USP24: variants seen among roughly 807,000 people sequenced by gnomAD.
USP24 encodes ubiquitin carboxyl-terminal hydrolase 24.
A neutral mutation model predicts 361.6 loss-of-function variants in USP24; 97 were observed. That is an observed-to-expected ratio of 0.27 (90% CI 0.23 to 0.32). The LOEUF (loss-of-function observed/expected upper bound fraction) is 0.32, where lower values mean the gene tolerates loss of function less well. Ranked by LOEUF, USP24 falls within the 10% of genes least tolerant of loss-of-function variation. USP24 has a pLI of 1.00. For synonymous variants in USP24, 1,098 were observed against 1,124.6 expected (o/e 0.98, Z 0.47); for missense variants, 2,353 against 3,165.6 (o/e 0.74, Z 6.16).
intron 55 of USP24, among the ~76,000 whole-genome samples, chr1:55,088,556 A>G (rs1015837140): frequency 3.9e-5 from 6 of 152,200 alleles, no homozygotes; most frequent in Admixed American, 3.9e-4. Flanking sequence ...GGCAAGCTGG[A>G]ACAGACTCTG....
chr1:55,124,351 T>C, intron 35 of USP24, 118 bp downstream of exon 35: 2 of 1,226,932 alleles, frequency 1.6e-6, no homozygotes, highest in African/African-American at 1.5e-5. Flanking sequence ...TTTTTACTCA[T>C]GCTCACAAGC....
intron 1 of USP24, among the ~76,000 whole-genome samples, chr1:55,195,555 T>G (rs1271491599): frequency 6.6e-6 from 1 of 152,204 alleles, no homozygotes; most frequent in Non-Finnish European, 1.5e-5. Flanking sequence ...TTACAATTTC[T>G]TGTTAGGAGT....
rs1471231252 is a variant in USP24, at chr1:55,117,878, C to T, written c.4508+2718G>A. ...ATGATCAAACTGAAAAAGAAATCAA[C>T]AATTCCACTTACAATAGCATCAAAA... is the stretch of plus-strand genomic sequence containing the variant. On this transcript the variant is annotated intron_variant, in intron 38 of 67. Transcript: ENST00000294383. Among the ~76,000 whole-genome samples, 3 of 150,384 alleles carry T rather than the reference C, an allele frequency of 2.0e-5. No homozygotes were observed. The East Asian group carries it at 5.9e-4, about 30-fold the overall frequency.
chr1:55,072,226 C>T, intron 66 of USP24, 91 bp downstream of exon 66: 2 of 1,031,718 alleles, frequency 1.9e-6, no homozygotes, highest in South Asian at 1.5e-5. Flanking sequence ...CAACTCATAC[C>T]TCTCTTCTCA....
intron 59 of USP24, among the ~76,000 whole-genome samples, chr1:55,080,007 C>G (rs1241351993): frequency 6.6e-6 from 1 of 152,142 alleles, no homozygotes; most frequent in Non-Finnish European, 1.5e-5. Context: ...GATTCCCACT[C>G]CATAATCTTT....
intron 1 of USP24, among the ~76,000 whole-genome samples, chr1:55,196,837 G>A (rs537243145): frequency 3.3e-5 from 5 of 152,308 alleles, no homozygotes; most frequent in South Asian, 2.1e-4. Context: ...ACCTCTGCCC[G>A]TTGAGTTCCA....
intron 62 of USP24, 80 bp from the exon 63 acceptor site, chr1:55,075,603 C>T: frequency 1.1e-6 from 1 of 910,892 alleles, no homozygotes; most frequent in Non-Finnish European, 1.7e-6. Flanking sequence ...ATAATTCTAC[C>T]CAAGAGATTA....
Position 55,171,709 on chromosome 1 carries a change from T to C in USP24, c.703-31A>G, listed in dbSNP as rs781650581. 4.4e-6 allele frequency: 7 copies of C among 1,579,234 alleles called. No homozygotes were observed. In the South Asian group the frequency reaches 6.9e-5, roughly 16 times the overall value. ...TTCAAAGAGAACAGAGAAACATTAT[T>C]ATCTATTTCTATAGCAACACATATT... is the stretch of plus-strand genomic sequence containing the variant. On this transcript the variant is annotated intron_variant, in intron 4 of 67. Transcript: ENST00000294383.
At chr1:55,203,826 A>G (rs186909664) in intron 1 of USP24, among the ~76,000 whole-genome samples, 18 of 152,250 alleles carry the variant, frequency 1.2e-4, no homozygotes, top group African/African-American at 3.9e-4. Context: ...TATAAATCAT[A>G]TATTTTTGGC....
At chr1:55,206,386 A>T (rs1046629169) in intron 1 of USP24, among the ~76,000 whole-genome samples, 9 of 152,216 alleles carry the variant, frequency 5.9e-5, no homozygotes, top group African/African-American at 1.9e-4. Flanking sequence ...GCTAACCTTG[A>T]AGAACGACTT....
chr1:55,111,327 A>G lies in USP24; in HGVS notation c.4509-1081T>C, dbSNP rs574437443. Among the ~76,000 whole-genome samples the G allele has an allele frequency of 2.6e-5, 4 of 152,270 alleles. No individual in the cohort carries two copies. The South Asian group carries it at 6.2e-4, about 24-fold the overall frequency. On this transcript the variant is annotated intron_variant, in intron 38 of 67. Coordinates refer to ENST00000294383, the MANE Select transcript of USP24 (RefSeq NM_015306.3). ...TATTTTTAAGAGATTCTTTAAGAGT[A>G]TATGTTAAAACTCTCGTCTAATGCT... is the stretch of plus-strand genomic sequence containing the variant.
At chr1:55,154,015 C>CATTAA in intron 15 of USP24, 98 bp from the exon 16 acceptor site, 8 of 1,568,424 alleles carry the variant, frequency 5.1e-6, no homozygotes, top group Non-Finnish European at 6.9e-6. Context: ...CCAGATATGG[C>CATTAA]ATTTAGTTTA....
rs1644833411 is a variant in USP24, at chr1:55,066,893, G to C, written c.*2152C>G. 1 of 152,108 alleles carries C rather than the reference G, an allele frequency of 6.6e-6. No individual in the cohort carries two copies. The highest frequency in any genetic ancestry group is 2.4e-5 in the African/African-American group (1 of 41,412). The allele number at this position is 152,108 out of a possible 1,614,324, so 9.4% of individuals were successfully genotyped here. A position where few individuals can be genotyped will look rare whatever the true frequency, so the allele number is the denominator to read the frequency against. ...AAAAATGACAACTCTTCCAAGGTAA[G>C]CCTGTCATAACTGTCACTGTTGTAC... On this transcript the variant is annotated 3_prime_UTR_variant, in exon 68 of 68. Transcript: ENST00000294383.
At chr1:55,072,670 G>T in intron 65 of USP24, 116 bp downstream of exon 65, 2 of 1,077,182 alleles carry the variant, frequency 1.9e-6, no homozygotes, top group Non-Finnish European at 1.3e-6. Context: ...AGAAATGTTT[G>T]AAATCTGAAA....
At chr1:55,126,573 A>T (rs1398402774) in intron 32 of USP24, among the ~76,000 whole-genome samples, 1 of 152,252 alleles carries the variant, frequency 6.6e-6, no homozygotes, top group African/African-American at 2.4e-5. Context: ...CATGAATTAA[A>T]TGACATACAC....
chr1:55,182,851 A>C (rs1045768757), intron 1 of USP24, among the ~76,000 whole-genome samples: 4 of 152,066 alleles, frequency 2.6e-5, no homozygotes, highest in Admixed American at 1.3e-4. Flanking sequence ...AGTAGCTGGG[A>C]CTACAAGCGC....
At chr1:55,123,851 T>C (rs1570467401) in intron 35 of USP24, among the ~76,000 whole-genome samples, 1 of 152,156 alleles carries the variant, frequency 6.6e-6, no homozygotes. Flanking sequence ...GAAGTGAAAA[T>C]AGCGCAATTT....
Position 55,069,131 on chromosome 1 carries a change from A to G in USP24, c.7801-24T>C, listed in dbSNP as rs1244671063. ...CCCTGCAGAAAAGAAAAGGAAGTTA[A>G]AGTTCATACGGTTAGAGAAAAGGTT... On this transcript the variant is annotated intron_variant, in intron 67 of 67. Transcript: ENST00000294383. The G allele has an allele frequency of 1.9e-6, 3 of 1,613,676 alleles. No homozygotes were observed. In the Admixed American group the frequency reaches 5.0e-5, roughly 27 times the overall value.
chr1:55,082,093 G>A (rs1232567145), intron 58 of USP24, among the ~76,000 whole-genome samples: 1 of 152,158 alleles, frequency 6.6e-6, no homozygotes, highest in Non-Finnish European at 1.5e-5. Context: ...AGAGAAAGCT[G>A]AGAGGAAGCC....
Sources: allele counts gnomAD v4.1 joint callset (sites outside exome capture counted in the v4.1 genomes callset), GRCh38; gene constraint gnomAD v4.1.1; transcripts MANE v1.5; gene names NCBI Gene and HGNC (gene_info 2026-07-23, HGNC 2026-07-21).